The following LIPC variants were observed in gnomAD, a reference collection of about 807,000 sequenced individuals.
LIPC encodes the protein hepatic triacylglycerol lipase.
A neutral mutation model predicts 50.7 loss-of-function variants in LIPC; 44 were observed. The observed-to-expected ratio is 0.87, with a 90% CI of 0.68 to 1.11. The LOEUF (loss-of-function observed/expected upper bound fraction) is 1.11, where lower values mean the gene tolerates loss of function less well. LIPC is among the 50% of genes most tolerant of loss of function. The probability of loss-of-function intolerance (pLI) is 0.00; values close to 1 mark genes in which losing one functional copy is unlikely to be tolerated. For synonymous variants in LIPC, 271 were observed against 256.4 expected, an observed-to-expected ratio of 1.06 and a Z score of -0.54; for missense variants, 697 against 648.2, an observed-to-expected ratio of 1.08 and a Z score of -0.82.
intron 1 of LIPC, among the ~76,000 whole-genome samples, chr15:58,495,308 G>T (rs1891728328): frequency 6.6e-6 from 1 of 152,126 alleles, no homozygotes; most frequent in African/African-American, 2.4e-5. Flanking sequence ...TTCTATTATG[G>T]CCTCCTCCCT....
chr15:58,451,640 C>T (rs901333401), intron 1 of LIPC, among the ~76,000 whole-genome samples: 10 of 152,212 alleles, frequency 6.6e-5, no homozygotes, highest in African/African-American at 2.2e-4. Context: ...CTATCCACCA[C>T]TTGGATAGGA....
intron 1 of LIPC, among the ~76,000 whole-genome samples, chr15:58,533,415 A>G (rs1410138688): frequency 1.3e-5 from 2 of 152,240 alleles, no homozygotes; most frequent in African/African-American, 4.8e-5. Context: ...ATATATAAAG[A>G]GATATAAATA....
chr15:58,464,319 G>T (rs1894462161), intron 1 of LIPC, among the ~76,000 whole-genome samples: 1 of 152,176 alleles, frequency 6.6e-6, no homozygotes, highest in South Asian at 2.1e-4. Flanking sequence ...TGCCGCCTGT[G>T]TGAACCAACT....
chr15:58,499,362 TG>T (rs1403892084), intron 1 of LIPC, among the ~76,000 whole-genome samples: 1 of 152,210 alleles, frequency 6.6e-6, no homozygotes, highest in African/African-American at 2.4e-5. Flanking sequence ...ACCAGACTCC[TG>T]GGTTACAAGT....
At chr15:58,536,911 T>C (rs1893141954) in intron 1 of LIPC, among the ~76,000 whole-genome samples, 1 of 152,346 alleles carries the variant, frequency 6.6e-6, no homozygotes. Context: ...TGTAGGTTCA[T>C]CATCTCTTGG....
chr15:58,465,501 C>A (rs1013867965), intron 1 of LIPC, among the ~76,000 whole-genome samples: 1 of 152,142 alleles, frequency 6.6e-6, no homozygotes, highest in African/African-American at 2.4e-5. Flanking sequence ...GATTGTAGGA[C>A]ATGACTGACA....
intron 2 of LIPC, 71 bp downstream of exon 2, chr15:58,538,588 G>A (rs780891024): frequency 1.4e-5 from 20 of 1,479,258 alleles, no homozygotes; most frequent in Non-Finnish European, 1.8e-5. Context: ...GCGTGTTCAT[G>A]TTCATAAAAA....
At chr15:58,460,554 A>G (rs113532063) in intron 1 of LIPC, among the ~76,000 whole-genome samples, 34 of 152,346 alleles carry the variant, frequency 2.2e-4, no homozygotes, top group African/African-American at 7.7e-4. Context: ...TCACCCTGTA[A>G]GGGAGCTCTT....
At chr15:58,539,991 C>T (rs1189243134) in intron 2 of LIPC, among the ~76,000 whole-genome samples, 8 of 152,338 alleles carry the variant, frequency 5.3e-5, no homozygotes, top group African/African-American at 1.7e-4. Context: ...CACCACTGCT[C>T]TGCAGCTCGG....
At chr15:58,506,991 A>AG (rs1318618333) in intron 1 of LIPC, among the ~76,000 whole-genome samples, 2 of 152,214 alleles carry the variant, frequency 1.3e-5, no homozygotes, top group Non-Finnish European at 2.9e-5. Flanking sequence ...GCGAAGGGGT[A>AG]GGGGAAGCTC....
intron 1 of LIPC, among the ~76,000 whole-genome samples, chr15:58,480,030 C>A (rs1398516479): frequency 6.6e-6 from 1 of 152,184 alleles, no homozygotes; most frequent in East Asian, 1.9e-4. Flanking sequence ...GTTGCTTGAG[C>A]AAATAAGTCA....
chr15:58,477,690 A>T (rs1476891258), intron 1 of LIPC, among the ~76,000 whole-genome samples: 1 of 152,098 alleles, frequency 6.6e-6, no homozygotes, highest in East Asian at 1.9e-4. Flanking sequence ...GAGATGGATG[A>T]TGTAAAAGTT....
intron 3 of LIPC, 23 bp from the exon 4 acceptor site, chr15:58,542,511 C>T (rs1403805676): frequency 6.7e-7 from 1 of 1,492,722 alleles, no homozygotes. Flanking sequence ...TTCTCCTGCC[C>T]CCATCCCGCT....
intron 1 of LIPC, among the ~76,000 whole-genome samples, chr15:58,468,310 C>T (rs8036946): frequency 0.012 from 1,850 of 152,272 alleles, 40 homozygotes; most frequent in African/African-American, 0.042. Flanking sequence ...ATGTCCATGA[C>T]AGTGATTCCC....
chr15:58,507,174 G>T (rs1892179445), intron 1 of LIPC, among the ~76,000 whole-genome samples: 3 of 152,074 alleles, frequency 2.0e-5, no homozygotes, highest in African/African-American at 7.2e-5. Context: ...ATAGGAGTGG[G>T]GAAACCAGGA....
Position 58,493,804 on chromosome 15 carries a change from AC to A in LIPC, c.89-44528del, listed in dbSNP as rs1368048564. On this transcript the variant is annotated intron_variant, in intron 1 of 8. Coordinates refer to ENST00000299022, the MANE Select transcript of LIPC (RefSeq NM_000236.3). ...AAGTTTATATATATTTATATGGCTC[AC>A]TATAAAAGAAATTGAAACCTCCTTA... is the stretch of plus-strand genomic sequence containing the variant. Among the ~76,000 whole-genome samples, 47 of 151,124 alleles carry A rather than the reference AC, an allele frequency of 3.1e-4. 1 individual carries two copies. Among genetic ancestry groups the A allele is most frequent in the Admixed American group, 3.1e-3 (47 of 15,170 alleles).
chr15:58,553,446 A>G (rs1429626866), intron 6 of LIPC, among the ~76,000 whole-genome samples: 1 of 152,196 alleles, frequency 6.6e-6, no homozygotes, highest in Non-Finnish European at 1.5e-5. Context: ...AGAATTAAAA[A>G]TTAGCCAGGT....
At chr15:58,460,853 G>C (rs1229487536) in intron 1 of LIPC, among the ~76,000 whole-genome samples, 2 of 152,180 alleles carry the variant, frequency 1.3e-5, no homozygotes, top group Non-Finnish European at 2.9e-5. Flanking sequence ...TAGTCCCATG[G>C]CCTCTTTAGC....
At chr15:58,500,983 C>T (rs1469241326) in intron 1 of LIPC, among the ~76,000 whole-genome samples, 1 of 152,052 alleles carries the variant, frequency 6.6e-6, no homozygotes, top group Non-Finnish European at 1.5e-5. Context: ...GTGACACAAC[C>T]TTACCATTCT....
Sources: gnomAD v4.1 joint callset for allele counts (sites outside exome capture counted in the v4.1 genomes callset) on GRCh38, gnomAD v4.1.1 for gene constraint, MANE v1.5 for transcripts, NCBI Gene and HGNC (gene_info 2026-07-23, HGNC 2026-07-21) for gene names.